The following TMEM132D variants were observed in gnomAD, a reference collection of about 807,000 sequenced individuals.
The protein encoded by TMEM132D is transmembrane protein 132D.
Under a neutral mutation model 62.3 loss-of-function variants are expected in TMEM132D, and 21 were observed. That is an observed-to-expected ratio of 0.34 (90% CI 0.24 to 0.49). The LOEUF (loss-of-function observed/expected upper bound fraction) is 0.49, where lower values mean the gene tolerates loss of function less well. Ranked by LOEUF, TMEM132D falls within the 20% of genes least tolerant of loss-of-function variation. The pLI is 0.99. For synonymous variants in TMEM132D, 621 were observed against 575.6 expected, an observed-to-expected ratio of 1.08 and a Z score of -1.13; for missense variants, 1,346 against 1,402.8, an observed-to-expected ratio of 0.96 and a Z score of 0.65.
At chr12:129,394,581 A>G (rs1871370344) in intron 3 of TMEM132D, among the ~76,000 whole-genome samples, 1 of 152,196 alleles carries the variant, frequency 6.6e-6, no homozygotes. Flanking sequence ...GAAGGGGGAG[A>G]CAGAGGGACA....
chr12:129,467,540 C>T (rs947745990), intron 3 of TMEM132D, among the ~76,000 whole-genome samples: 2 of 152,182 alleles, frequency 1.3e-5, no homozygotes, highest in Non-Finnish European at 2.9e-5. Context: ...ACATCACTTG[C>T]ACCTGCTACT....
At chr12:129,339,162 T>C (rs901448113) in intron 3 of TMEM132D, among the ~76,000 whole-genome samples, 6 of 151,522 alleles carry the variant, frequency 4.0e-5, no homozygotes, top group Admixed American at 1.3e-4. Flanking sequence ...TCCCAGCTAG[T>C]TGGGAGGCTG....
At chr12:129,539,564 A>G (rs1876527065) in intron 2 of TMEM132D, among the ~76,000 whole-genome samples, 1 of 76,056 alleles carries the variant, frequency 1.3e-5, no homozygotes, top group Admixed American at 1.8e-4. Flanking sequence ...GCCACTGGCT[A>G]ATTTTTTCTA....
At chr12:129,841,361 G>C (rs183588722) in intron 1 of TMEM132D, among the ~76,000 whole-genome samples, 13 of 152,032 alleles carry the variant, frequency 8.6e-5, no homozygotes, top group Non-Finnish European at 1.9e-4. Flanking sequence ...CCAAGCCCTC[G>C]TAAGATTGTC....
chr12:129,328,584 G>A (rs1868997047), intron 4 of TMEM132D, among the ~76,000 whole-genome samples: 1 of 152,170 alleles, frequency 6.6e-6, no homozygotes, highest in Admixed American at 6.5e-5. Context: ...AACATCAGAG[G>A]CAACAGATTG....
At chr12:129,104,506 C>A (rs1875422493) in intron 5 of TMEM132D, among the ~76,000 whole-genome samples, 1 of 152,142 alleles carries the variant, frequency 6.6e-6, no homozygotes, top group Non-Finnish European at 1.5e-5. Flanking sequence ...TCTAAAACAC[C>A]AAAAGCAATG....
At chr12:129,293,618 G>T (rs1480059628) in intron 4 of TMEM132D, among the ~76,000 whole-genome samples, 3 of 152,104 alleles carry the variant, frequency 2.0e-5, no homozygotes, top group Non-Finnish European at 2.9e-5. Flanking sequence ...CAATGAGATG[G>T]TCCCATCTGG....
intron 2 of TMEM132D, among the ~76,000 whole-genome samples, chr12:129,608,974 T>C (rs1878697861): frequency 6.7e-6 from 1 of 148,746 alleles, no homozygotes; most frequent in African/African-American, 2.5e-5. Flanking sequence ...GGAGTCTCGC[T>C]CTGTCACCCA....
chr12:129,547,218 C>G (rs1288365924), intron 2 of TMEM132D, among the ~76,000 whole-genome samples: 1 of 152,158 alleles, frequency 6.6e-6, no homozygotes. Flanking sequence ...TCCAGCATGT[C>G]TGTGTCTTCA....
At chr12:129,305,613 T>C (rs1369753251) in intron 4 of TMEM132D, among the ~76,000 whole-genome samples, 1 of 152,158 alleles carries the variant, frequency 6.6e-6, no homozygotes, top group Non-Finnish European at 1.5e-5. Flanking sequence ...GCTCAAGCAA[T>C]GTATTGCAAT....
chr12:129,505,039 G>A (rs1450444529), intron 3 of TMEM132D, among the ~76,000 whole-genome samples: 3 of 152,144 alleles, frequency 2.0e-5, no homozygotes, highest in Admixed American at 6.5e-5. Context: ...TTCTTTTGGA[G>A]TTGATTTCCA....
At chr12:129,741,095 T>C (rs1392361057) in intron 1 of TMEM132D, among the ~76,000 whole-genome samples, 3 of 152,240 alleles carry the variant, frequency 2.0e-5, no homozygotes, top group Non-Finnish European at 2.9e-5. Flanking sequence ...GTGTTCCCCA[T>C]GTGGCATGGC....
At position 129,612,746 on chromosome 12, in the gene TMEM132D, C is replaced by T. The variant is rs142962594; in HGVS notation, c.969-81541G>A. On this transcript the variant is annotated intron_variant, in intron 2 of 8. Transcript: ENST00000422113. ...GGCCCCAGGCAACTCATCTGATGTA[C>T]GCTTAGTCTGACCTTTTGCCCCTGA... 2.3e-3 allele frequency among the ~76,000 whole-genome samples: 355 copies of T among 151,958 alleles called. 1 individual carries two copies. Among genetic ancestry groups the T allele is most frequent in the African/African-American group, 8.1e-3 (336 of 41,452 alleles).
At chr12:129,753,964 T>G (rs1364764426) in intron 1 of TMEM132D, among the ~76,000 whole-genome samples, 1 of 152,196 alleles carries the variant, frequency 6.6e-6, no homozygotes, top group African/African-American at 2.4e-5. Flanking sequence ...AAATTCCCCT[T>G]TATGTTCTAG....
At chr12:129,149,226 G>A (rs923736628) in intron 5 of TMEM132D, among the ~76,000 whole-genome samples, 1 of 151,942 alleles carries the variant, frequency 6.6e-6, no homozygotes, top group Non-Finnish European at 1.5e-5. Context: ...AGGGCCTGTT[G>A]GGGGGTGGGG....
intron 2 of TMEM132D, among the ~76,000 whole-genome samples, chr12:129,551,063 G>A (rs1409722649): frequency 1.3e-5 from 2 of 152,174 alleles, no homozygotes; most frequent in African/African-American, 2.4e-5. Context: ...AAACCCCAAC[G>A]GGGGTCCCAG....
rs184986328 is a variant in TMEM132D, at chr12:129,311,054, C to T, written c.1299+26580G>A. On this transcript the variant is annotated intron_variant, in intron 4 of 8. Coordinates refer to ENST00000422113, the MANE Select transcript of TMEM132D (RefSeq NM_133448.3). ...TCTACTAAAAATACAAAAAATTAGC[C>T]GGGCGTGGTAGCGGGCGCCTGTAGT... Among the ~76,000 whole-genome samples, 1,276 of 138,010 alleles carry T rather than the reference C, an allele frequency of 9.2e-3. 290 individuals are homozygous for T. Among genetic ancestry groups the T allele is most frequent in the African/African-American group, 0.036 (1,231 of 34,526 alleles). The allele number at this position is 138,010 out of a possible 152,430, so 90.5% of individuals were successfully genotyped here.
rs1398090608 is a variant in TMEM132D at position 129,118,318 on chromosome 12, G to GAAAC, written c.1444-33620_1444-33617dup. 3.3e-5 allele frequency among the ~76,000 whole-genome samples: 5 copies of GAAAC among 152,316 alleles called. No individual in the cohort carries two copies. The East Asian group carries it at 7.7e-4, about 24-fold the overall frequency. On this transcript the variant is annotated intron_variant, in intron 5 of 8. Coordinates refer to ENST00000422113, the MANE Select transcript of TMEM132D (RefSeq NM_133448.3). ...AAAAGGTGGTGCTTTGAGTTATTATGAAACATCCCTCACAGCTGGGGTAGG... is the reference window on the plus strand; with the variant it reads ...AAAAGGTGGTGCTTTGAGTTATTATGAAACAAACATCCCTCACAGCTGGGGTAGG...
chr12:129,113,969 T>C (rs1875805650), intron 5 of TMEM132D, among the ~76,000 whole-genome samples: 1 of 151,988 alleles, frequency 6.6e-6, no homozygotes, highest in African/African-American at 2.4e-5. Flanking sequence ...GGAGGAGACC[T>C]CTGACCACCA....
Sources: gnomAD v4.1 joint callset for allele counts (sites outside exome capture counted in the v4.1 genomes callset) on GRCh38, gnomAD v4.1.1 for gene constraint, MANE v1.5 for transcripts, NCBI Gene and HGNC (gene_info 2026-07-23, HGNC 2026-07-21) for gene names.